SMAD9: variants seen among roughly 807,000 people sequenced by gnomAD.
SMAD9 encodes the protein MAD homolog 9.
A neutral mutation model predicts 46.1 loss-of-function variants in SMAD9; 36 were observed. The ratio of observed to expected loss-of-function variants is 0.78; its 90% CI spans 0.60 to 1.03. The LOEUF (loss-of-function observed/expected upper bound fraction) is 1.03, where lower values mean the gene tolerates loss of function less well. Among genes scored for constraint, SMAD9 ranks in the 50% least tolerant of loss-of-function variants. The pLI, the probability that SMAD9 is intolerant of heterozygous loss-of-function variation, is 0.00. For missense variants in SMAD9, 572 were observed against 599.8 expected (o/e 0.95, Z 0.48); for synonymous variants, 245 against 237.1 (o/e 1.03, Z -0.31).
At chr13:36,866,463 CTT>C (rs1454090971) in intron 4 of SMAD9, among the ~76,000 whole-genome samples, 2 of 152,122 alleles carry the variant, frequency 1.3e-5, no homozygotes, top group Non-Finnish European at 1.5e-5. Flanking sequence ...AGAGTTCCTT[CTT>C]TCTTTGCCAC....
chr13:36,900,735 A>G (rs2138632148), intron 1 of SMAD9, among the ~76,000 whole-genome samples: 1 of 151,568 alleles, frequency 6.6e-6, no homozygotes, highest in East Asian at 1.9e-4. Flanking sequence ...ACATAAATGT[A>G]AATTATTTTA....
intron 6 of SMAD9, among the ~76,000 whole-genome samples, chr13:36,852,776 G>C (rs2058085282): frequency 6.6e-6 from 1 of 152,144 alleles, no homozygotes; most frequent in African/African-American, 2.4e-5. Flanking sequence ...AACATTCACT[G>C]AGTGATAACA....
At chr13:36,888,257 G>C (rs529346434) in intron 1 of SMAD9, among the ~76,000 whole-genome samples, 1 of 152,290 alleles carries the variant, frequency 6.6e-6, no homozygotes, top group African/African-American at 2.4e-5. Context: ...TTCCCCTCTT[G>C]CTGTTCTCGT....
rs1045227317 is a variant in SMAD9 at position 36,871,536 on chromosome 13, T to A, written c.670+1122A>T. Among the ~76,000 whole-genome samples, 951 of 149,152 alleles carry A rather than the reference T, an allele frequency of 6.4e-3. 11 individuals carry two copies. Among genetic ancestry groups the A allele is most frequent in the African/African-American group, 0.023 (903 of 38,922 alleles). Reference sequence around the variant, plus strand: ...CCGTCTCAAAATAAAAAATAAAAAATAAAAATAAATAAACGCCTGTGTAGT... The same window carrying A: ...CCGTCTCAAAATAAAAAATAAAAAAAAAAAATAAATAAACGCCTGTGTAGT... On this transcript the variant is annotated intron_variant, in intron 3 of 6. Transcript: ENST00000379826.
Position 36,904,493 on chromosome 13 carries a change from C to G in SMAD9, c.-187+15623G>C, listed in dbSNP as rs763022962. On this transcript the variant is annotated intron_variant, in intron 1 of 6. Transcript: ENST00000379826. ...CCTTTTATTCCCTGGACGGCAGTGA[C>G]AGTCTGGAGAGAGCTTTGCCACCTG... Among the ~76,000 whole-genome samples, 9 of 152,294 alleles carry G rather than the reference C, an allele frequency of 5.9e-5. No homozygotes were observed. The East Asian group carries it at 1.4e-3, about 23-fold the overall frequency.
At chr13:36,863,310 T>C (rs547647183) in intron 5 of SMAD9, among the ~76,000 whole-genome samples, 2 of 152,328 alleles carry the variant, frequency 1.3e-5, no homozygotes, top group South Asian at 2.1e-4. Context: ...AAAATTTTTT[T>C]CCACATTGGA....
At chr13:36,887,419 C>T (rs962207060) in intron 1 of SMAD9, among the ~76,000 whole-genome samples, 4 of 151,216 alleles carry the variant, frequency 2.6e-5, no homozygotes, top group Non-Finnish European at 5.9e-5. Context: ...GATGGGGTTT[C>T]GTCAAGTTAG....
At chr13:36,859,656 T>C (rs1301252235) in intron 5 of SMAD9, among the ~76,000 whole-genome samples, 2 of 152,158 alleles carry the variant, frequency 1.3e-5, no homozygotes, top group Non-Finnish European at 2.9e-5. Context: ...ACCCACTGTT[T>C]AGCATATAAT....
At chr13:36,876,117 G>A (rs2058343245) in intron 2 of SMAD9, among the ~76,000 whole-genome samples, 1 of 152,080 alleles carries the variant, frequency 6.6e-6, no homozygotes, top group Non-Finnish European at 1.5e-5. Flanking sequence ...TGCGCTTACA[G>A]ACACTCATGC....
At chr13:36,872,117 A>T (rs537872103) in intron 3 of SMAD9, among the ~76,000 whole-genome samples, 1 of 152,132 alleles carries the variant, frequency 6.6e-6, no homozygotes, top group Admixed American at 6.5e-5. Context: ...TCAATTCAGC[A>T]AACTGAAGAG....
chr13:36,863,993 C>T (rs599463), intron 5 of SMAD9, among the ~76,000 whole-genome samples: 33,730 of 152,052 alleles, frequency 0.22, 4,780 homozygotes, highest in African/African-American at 0.4. Context: ...TCCTTTAATA[C>T]TTTAATCCTG....
intron 1 of SMAD9, among the ~76,000 whole-genome samples, chr13:36,886,432 A>G (rs2058445366): frequency 6.6e-6 from 1 of 152,244 alleles, no homozygotes; most frequent in Non-Finnish European, 1.5e-5. Context: ...GATCTCCTCA[A>G]TCTCCAAAAC....
At chr13:36,898,684 GA>G (rs1001591221) in intron 1 of SMAD9, among the ~76,000 whole-genome samples, 1 of 151,972 alleles carries the variant, frequency 6.6e-6, no homozygotes, top group Non-Finnish European at 1.5e-5. Flanking sequence ...AATAGATGCA[GA>G]AAAAAACATT....
At chr13:36,860,435 G>T (rs1447655348) in intron 5 of SMAD9, among the ~76,000 whole-genome samples, 1 of 150,862 alleles carries the variant, frequency 6.6e-6, no homozygotes, top group African/African-American at 2.4e-5. Flanking sequence ...TCCCACAAAG[G>T]GAGAAATTTT....
At chr13:36,851,436 G>A (rs1004553371) in intron 6 of SMAD9, among the ~76,000 whole-genome samples, 3 of 152,046 alleles carry the variant, frequency 2.0e-5, no homozygotes, top group African/African-American at 2.4e-5. Flanking sequence ...CACTGCCCCC[G>A]TGCTCCAATT....
chr13:36,879,439 C>T lies in SMAD9; in HGVS notation c.251G>A (p.Arg84His), dbSNP rs759141619. 4 of 1,613,688 alleles carry T rather than the reference C, an allele frequency of 2.5e-6. No individual in the cohort carries two copies. Among genetic ancestry groups the T allele is most frequent in the Admixed American group, 1.7e-5 (1 of 60,030 alleles). ...SLDGRLQVSH[R>H]KGLPHVIYCR... Reference sequence around the variant, plus strand: ...GTAAATCACATGGGGCAGGCCCTTGCGGTGGGACACCTGCAGCCGCCCGTC... The same window carrying T: ...GTAAATCACATGGGGCAGGCCCTTGTGGTGGGACACCTGCAGCCGCCCGTC... The change falls in exon 2 of 7, where the codon CGC (arginine) becomes CAC (histidine). Residue 84 changes from arginine to histidine, a missense_variant. By Grantham distance (29) the Arg-to-His change is conservative. Transcript: ENST00000379826.
intron 6 of SMAD9, chr13:36,852,006 T>C: frequency 8.1e-6 from 8 of 983,222 alleles, no homozygotes; most frequent in Non-Finnish European, 9.7e-6. Context: ...TGATGCCCTC[T>C]GCCGTTTCTA....
intron 1 of SMAD9, among the ~76,000 whole-genome samples, chr13:36,900,806 T>C (rs2058569363): frequency 6.6e-6 from 1 of 152,002 alleles, no homozygotes; most frequent in South Asian, 2.1e-4. Flanking sequence ...CATTTTAAAA[T>C]GAACAATTCA....
intron 1 of SMAD9, among the ~76,000 whole-genome samples, chr13:36,911,467 T>C (rs1169556992): frequency 6.6e-6 from 1 of 152,208 alleles, no homozygotes; most frequent in African/African-American, 2.4e-5. Context: ...TAATATTATA[T>C]AGAGCATAAT....
Sources: gnomAD v4.1 joint callset for allele counts (sites outside exome capture counted in the v4.1 genomes callset) on GRCh38, gnomAD v4.1.1 for gene constraint, MANE v1.5 for transcripts, NCBI Gene and HGNC (gene_info 2026-07-23, HGNC 2026-07-21) for gene names.